RXFP2: variants seen among roughly 807,000 people sequenced by gnomAD.
RXFP2 encodes the protein relaxin family peptide receptor 2, also known as relaxin receptor 2.
Under a neutral mutation model 88.6 loss-of-function variants are expected in RXFP2, and 68 were observed. The observed-to-expected ratio is 0.77, with a 90% confidence interval of 0.63 to 0.94. The LOEUF (loss-of-function observed/expected upper bound fraction) is 0.94. RXFP2 is among the 40% of genes least tolerant of loss of function. The pLI is 0.00. For missense variants in RXFP2, 791 were observed against 893.9 expected, an observed-to-expected ratio of 0.88 and a Z score of 1.47; for synonymous variants, 329 against 306.8, an observed-to-expected ratio of 1.07 and a Z score of -0.76.
At chr13:31,793,253 T>C (rs552326340) in intron 16 of RXFP2, among the ~76,000 whole-genome samples, 165 bp downstream of exon 16, 1 of 152,324 alleles carries the variant, frequency 6.6e-6, no homozygotes, top group South Asian at 2.1e-4. Context: ...TGAAGTTTTA[T>C]TAAACTTTTT....
intron 13 of RXFP2, 36 bp from the exon 14 acceptor site, chr13:31,789,086 C>G (rs1468151492): frequency 1.5e-6 from 2 of 1,321,620 alleles, no homozygotes; most frequent in Non-Finnish European, 2.2e-6. Context: ...AACGTTTCAT[C>G]TCAACACCAT....
chr13:31,791,872 C>T lies in RXFP2; in HGVS notation c.1212C>T (p.Asp404=), dbSNP rs773336556. 2.4e-5 allele frequency: 39 copies of T among 1,613,976 alleles called. No individual in the cohort carries two copies. The highest frequency in any genetic ancestry group is 6.7e-5 in the African/African-American group (5 of 74,920). The stretch of plus-strand genomic sequence containing the variant: ...TCCGAATATGTATGCCCTTGACGGA[C>T]GGCATTTCTTCATTTGAGGACCTCT... ...PHVRICMPLT[D]GISSFEDLLA... The change falls in exon 15 of 18, where the codon GAC becomes GAT. Residue 404 remains aspartate (D), a synonymous_variant. Transcript: ENST00000298386.
At chr13:31,778,633 C>A (rs774576574) in intron 9 of RXFP2, 50 bp downstream of exon 9, 3 of 1,272,110 alleles carry the variant, frequency 2.4e-6, no homozygotes, top group Non-Finnish European at 3.5e-6. Context: ...ATTAAGGAAA[C>A]TAGCCATAAA....
At chr13:31,758,024 AG>A (rs1872046567) in intron 1 of RXFP2, among the ~76,000 whole-genome samples, 1 of 152,214 alleles carries the variant, frequency 6.6e-6, no homozygotes, top group Admixed American at 6.5e-5. Context: ...TTTGGGAGGC[AG>A]AGGTCACAGT....
intron 17 of RXFP2, among the ~76,000 whole-genome samples, chr13:31,801,889 C>T (rs751893147): frequency 6.6e-6 from 1 of 152,164 alleles, no homozygotes; most frequent in Non-Finnish European, 1.5e-5. Context: ...TTATAGTTTA[C>T]AAAATGTTTT....
intron 5 of RXFP2, among the ~76,000 whole-genome samples, chr13:31,766,345 T>A (rs7334526): frequency 6.6e-6 from 1 of 152,068 alleles, no homozygotes; most frequent in East Asian, 1.9e-4. Flanking sequence ...TCAGAGGCAC[T>A]TTTTCACTTG....
At chr13:31,778,953 C>T (rs377613358) in intron 9 of RXFP2, among the ~76,000 whole-genome samples, 1 of 152,036 alleles carries the variant, frequency 6.6e-6, no homozygotes, top group Non-Finnish European at 1.5e-5. Context: ...CTTTGAAAGA[C>T]AACTTAAACC....
intron 1 of RXFP2, among the ~76,000 whole-genome samples, chr13:31,746,727 T>C (rs1201017128): frequency 9.0e-6 from 1 of 111,074 alleles, no homozygotes; most frequent in East Asian, 3.3e-4. Context: ...TATTCACACC[T>C]TGCCTGGGAC....
intron 1 of RXFP2, among the ~76,000 whole-genome samples, chr13:31,742,112 A>G (rs1393040920): frequency 6.6e-6 from 1 of 152,226 alleles, no homozygotes; most frequent in Non-Finnish European, 1.5e-5. Context: ...TTCTTAATGG[A>G]CAAATTAGGA....
chr13:31,785,868 C>T (rs1873513521), intron 11 of RXFP2, among the ~76,000 whole-genome samples: 1 of 152,054 alleles, frequency 6.6e-6, no homozygotes, highest in South Asian at 2.1e-4. Flanking sequence ...ATTTCTTCTG[C>T]AAAAATAGTC....
chr13:31,801,313 G>A (rs1054735858), intron 17 of RXFP2, among the ~76,000 whole-genome samples: 1 of 151,892 alleles, frequency 6.6e-6, no homozygotes, highest in Non-Finnish European at 1.5e-5. Context: ...TACCAAAAAA[G>A]CACATCAGCA....
rs150653715 is a variant in RXFP2, at chr13:31,748,122, C to T, written c.94+8416C>T. Among the ~76,000 whole-genome samples the T allele has an allele frequency of 3.7e-3, 562 of 152,196 alleles. 3 individuals are homozygous for T. Among genetic ancestry groups the T allele is most frequent in the African/African-American group, 0.013 (544 of 41,508 alleles). ...GAGAAATATTCCACAAATGTTTATC[C>T]GTTTTATTTTTCAAAGACACTTGGA... On this transcript the variant is annotated intron_variant, in intron 1 of 17. Coordinates refer to ENST00000298386, the MANE Select transcript of RXFP2 (RefSeq NM_130806.5).
At chr13:31,799,737 T>C (rs953195308) in intron 17 of RXFP2, among the ~76,000 whole-genome samples, 4 of 152,262 alleles carry the variant, frequency 2.6e-5, no homozygotes, top group African/African-American at 9.6e-5. Flanking sequence ...TCTTTGAGGC[T>C]TTTTCTGTCT....
At chr13:31,759,565 C>T (rs1035859554) in intron 2 of RXFP2, among the ~76,000 whole-genome samples, 6 of 151,918 alleles carry the variant, frequency 3.9e-5, no homozygotes, top group Non-Finnish European at 5.9e-5. Flanking sequence ...GCAGAGTGAA[C>T]AGGGGTATAC....
chr13:31,792,335 AATG>A (rs1873836446), intron 15 of RXFP2, among the ~76,000 whole-genome samples: 1 of 152,212 alleles, frequency 6.6e-6, no homozygotes, highest in Non-Finnish European at 1.5e-5. Context: ...CTTCAATTAC[AATG>A]ATACCTATGC....
At chr13:31,785,790 T>C (rs772336448) in intron 11 of RXFP2, among the ~76,000 whole-genome samples, 1 of 152,176 alleles carries the variant, frequency 6.6e-6, no homozygotes, top group South Asian at 2.1e-4. Flanking sequence ...TTCCACATTT[T>C]ATAGAGTCAC....
At position 31,764,284 on chromosome 13, in the gene RXFP2, C is replaced by T. The variant is rs9549024; in HGVS notation, c.320-753C>T. On this transcript the variant is annotated intron_variant, in intron 3 of 17. Coordinates refer to ENST00000298386, the MANE Select transcript of RXFP2 (RefSeq NM_130806.5). ...ACACACACACACACACACACACACA[C>T]ACACAGTGACTGTCCTATGGACCAG... is the stretch of plus-strand genomic sequence containing the variant. Among the ~76,000 whole-genome samples, 434 of 150,404 alleles carry T rather than the reference C, an allele frequency of 2.9e-3. 7 individuals are homozygous for T. Among genetic ancestry groups the T allele is most frequent in the East Asian group, 5.3e-3 (27 of 5,078 alleles).
At chr13:31,744,361 G>C (rs1871325236) in intron 1 of RXFP2, among the ~76,000 whole-genome samples, 1 of 152,166 alleles carries the variant, frequency 6.6e-6, no homozygotes, top group Non-Finnish European at 1.5e-5. Context: ...CATACACTGT[G>C]CTATAGAAAA....
At position 31,792,945 on chromosome 13, in the gene RXFP2, C is replaced by T. The variant is rs201347289; in HGVS notation, c.1643C>T (p.Ala548Val). 1.0e-4 allele frequency: 167 copies of T among 1,613,766 alleles called. No homozygotes were observed. The highest frequency in any genetic ancestry group is 1.3e-4 in the Non-Finnish European group (148 of 1,179,996). Reference sequence around the variant, plus strand: ...GTCATCCTCATTTGCATCTGGATGGCGGGATTTTTAATAGCTGTAATTCCA... The same window carrying T: ...GTCATCCTCATTTGCATCTGGATGGTGGGATTTTTAATAGCTGTAATTCCA... Reference protein sequence around the residue: ...TSVILICIWMAGFLIAVIPFW... With the variant: ...TSVILICIWMVGFLIAVIPFW... The change falls in exon 16 of 18, where the codon GCG becomes GTG. Residue 548 changes from alanine to valine, a missense_variant. Transcript: ENST00000298386.
Sources: gnomAD v4.1 joint callset for allele counts (sites outside exome capture counted in the v4.1 genomes callset) on GRCh38, gnomAD v4.1.1 for gene constraint, MANE v1.5 for transcripts, NCBI Gene and HGNC (gene_info 2026-07-23, HGNC 2026-07-21) for gene names.